UVRAG: variants seen among roughly 807,000 people sequenced by gnomAD.
The protein encoded by UVRAG is UV radiation resistance-associated gene protein.
UVRAG carries 19 observed loss-of-function variants against 78.0 expected under a neutral mutation model. The ratio of observed to expected loss-of-function variants is 0.24; its 90% CI spans 0.17 to 0.36. The LOEUF (loss-of-function observed/expected upper bound fraction) is 0.36. UVRAG is among the 10% of genes least tolerant of loss of function. The pLI, the probability that UVRAG is intolerant of heterozygous loss-of-function variation, is 1.00. For missense variants in UVRAG, 740 were observed against 853.8 expected, an observed-to-expected ratio of 0.87 and a Z score of 1.66; for synonymous variants, 323 against 324.6, an observed-to-expected ratio of 1.00 and a Z score of 0.05.
rs1206281297 is a variant in UVRAG at position 76,088,410 on chromosome 11, C to T, written c.1305+22622C>T. 2.6e-5 allele frequency among the ~76,000 whole-genome samples: 4 copies of T among 152,086 alleles called. No homozygotes were observed. The South Asian group carries it at 6.2e-4, about 24-fold the overall frequency. ...TGTTATGTCCACCCCTGCTTAAAAC[C>T]TTGTCATCGTTTTCCATAGGCTACC... On this transcript the variant is annotated intron_variant, in intron 13 of 14. Coordinates refer to ENST00000356136, the MANE Select transcript of UVRAG (RefSeq NM_003369.4).
intron 12 of UVRAG, among the ~76,000 whole-genome samples, chr11:76,028,580 A>T (rs1456305626): frequency 6.6e-6 from 1 of 152,042 alleles, no homozygotes; most frequent in Non-Finnish European, 1.5e-5. Flanking sequence ...AAGAAAGTGA[A>T]AAGACTTATT....
At chr11:76,076,375 A>AAATTGCTTG (rs1467303602) in intron 13 of UVRAG, among the ~76,000 whole-genome samples, 1 of 152,198 alleles carries the variant, frequency 6.6e-6, no homozygotes, top group Non-Finnish European at 1.5e-5. Flanking sequence ...TTACTGTGTT[A>AAATTGCTTG]CATGGCAGCA....
chr11:76,012,800 TGTGTGTG>T (rs1950076947), intron 11 of UVRAG: 1 of 14,964 alleles, frequency 6.7e-5, no homozygotes, highest in African/African-American at 4.9e-4. Flanking sequence ...AAAATGTTTG[TGTGTGTG>T]TGTGTGTGTG....
chr11:75,880,100 T>C, intron 4 of UVRAG, 60 bp downstream of exon 4: 3 of 1,570,864 alleles, frequency 1.9e-6, no homozygotes, highest in South Asian at 2.3e-5. Context: ...GTCTAACCTT[T>C]CTGTTGATTC....
At chr11:75,986,995 T>C (rs1045605743) in intron 8 of UVRAG, among the ~76,000 whole-genome samples, 37 of 152,204 alleles carry the variant, frequency 2.4e-4, no homozygotes, top group African/African-American at 8.7e-4. Context: ...ATTTTAAAAA[T>C]CCACTCATCA....
At chr11:75,874,731 G>GC (rs1379501333) in intron 3 of UVRAG, among the ~76,000 whole-genome samples, 16 of 152,284 alleles carry the variant, frequency 1.1e-4, no homozygotes, top group African/African-American at 2.9e-4. Flanking sequence ...GCTGTAATTA[G>GC]TTTTTTATTA....
chr11:75,858,729 C>A (rs1284008236), intron 2 of UVRAG, among the ~76,000 whole-genome samples: 2 of 152,148 alleles, frequency 1.3e-5, no homozygotes, highest in Admixed American at 6.5e-5. Flanking sequence ...GCTTTTCTCC[C>A]CACAGCTTCA....
intron 5 of UVRAG, among the ~76,000 whole-genome samples, chr11:75,905,701 A>G (rs1310601005): frequency 2.0e-5 from 3 of 152,010 alleles, no homozygotes; most frequent in East Asian, 3.9e-4. Flanking sequence ...TTGTTTATTC[A>G]TGTCTGTTGA....
At chr11:75,972,907 T>G (rs1348352319) in intron 7 of UVRAG, among the ~76,000 whole-genome samples, 1 of 152,230 alleles carries the variant, frequency 6.6e-6, no homozygotes, top group Non-Finnish European at 1.5e-5. Context: ...AATTGCTTTT[T>G]CTAGGAGGGT....
In UVRAG at chr11:76,143,069, C is replaced by G. The variant is rs1234011739; in HGVS notation, c.*1656C>G. ...AGAAGTGGGGCTCCTTCACCTAGAG[C>G]AGGAGCTTCTCTGCAGTGTACTGTC... On this transcript the variant is annotated 3_prime_UTR_variant, in exon 15 of 15. Transcript: ENST00000356136. The G allele has an allele frequency of 2.0e-5, 3 of 152,216 alleles. No individual in the cohort carries two copies. Among genetic ancestry groups the G allele is most frequent in the African/African-American group, 7.2e-5 (3 of 41,436 alleles). The allele number at this position is 152,216 out of a possible 1,614,324, so 9.4% of individuals were successfully genotyped here.
At chr11:76,025,660 C>G (rs1950314032) in intron 12 of UVRAG, among the ~76,000 whole-genome samples, 1 of 152,074 alleles carries the variant, frequency 6.6e-6, no homozygotes, top group Non-Finnish European at 1.5e-5. Flanking sequence ...ACCAAAACCC[C>G]AAGAGTTGCC....
chr11:75,945,050 A>G lies in UVRAG; in HGVS notation c.594-16394A>G, dbSNP rs903506984. On this transcript the variant is annotated intron_variant, in intron 6 of 14. Coordinates refer to ENST00000356136, the MANE Select transcript of UVRAG (RefSeq NM_003369.4). ...TTTTCTGGTTTACAAACATTAAACA[A>G]TGTTCTCAAGGCAGTTTCCCAGGAG... is the stretch of plus-strand genomic sequence containing the variant. Among the ~76,000 whole-genome samples, 6 of 152,318 alleles carry G rather than the reference A, an allele frequency of 3.9e-5. No individual in the cohort carries two copies. The East Asian group carries it at 5.8e-4, about 15-fold the overall frequency.
chr11:75,907,560 C>G (rs758821821), intron 5 of UVRAG, among the ~76,000 whole-genome samples: 2 of 152,048 alleles, frequency 1.3e-5, no homozygotes, highest in East Asian at 3.9e-4. Context: ...GTCACTTAGG[C>G]TGGAATGCAG....
chr11:75,847,921 A>T (rs2134725939), intron 1 of UVRAG, among the ~76,000 whole-genome samples: 1 of 150,530 alleles, frequency 6.6e-6, no homozygotes, highest in African/African-American at 2.5e-5. Context: ...CAGTGAGCCG[A>T]GATCGCACCA....
At chr11:75,907,624 C>T (rs988208185) in intron 5 of UVRAG, among the ~76,000 whole-genome samples, 2 of 152,052 alleles carry the variant, frequency 1.3e-5, no homozygotes, top group South Asian at 2.1e-4. Flanking sequence ...AGTGATCCTC[C>T]CACCTCAGCC....
At chr11:76,099,879 A>G (rs774098699) in intron 13 of UVRAG, among the ~76,000 whole-genome samples, 6 of 152,076 alleles carry the variant, frequency 3.9e-5, no homozygotes, top group Non-Finnish European at 7.4e-5. Flanking sequence ...GTATAATCAT[A>G]TCTATTAAAA....
chr11:76,142,356 A>G lies in UVRAG; in HGVS notation c.*943A>G, dbSNP rs905509312. 1.3e-5 allele frequency: 2 copies of G among 152,328 alleles called. No individual in the cohort carries two copies. Among genetic ancestry groups the G allele is most frequent in the African/African-American group, 4.8e-5 (2 of 41,472 alleles). 9.4% of individuals were successfully genotyped at this position (152,328 alleles called of 1,614,324 possible). Reference sequence around the variant, plus strand: ...AATTTCAGTCAGAAGGTCAGCATTTACATGACAGAATGTATGTAGAGAGTT... The same window carrying G: ...AATTTCAGTCAGAAGGTCAGCATTTGCATGACAGAATGTATGTAGAGAGTT... On this transcript the variant is annotated 3_prime_UTR_variant, in exon 15 of 15. Coordinates refer to ENST00000356136, the MANE Select transcript of UVRAG (RefSeq NM_003369.4).
intron 12 of UVRAG, among the ~76,000 whole-genome samples, chr11:76,035,336 T>A (rs1253582059): frequency 6.6e-6 from 1 of 152,166 alleles, no homozygotes; most frequent in Admixed American, 6.5e-5. Context: ...TAGAAGGAAT[T>A]TGGTAAATAG....
chr11:75,912,673 C>A (rs1490212878), intron 6 of UVRAG, among the ~76,000 whole-genome samples: 1 of 152,214 alleles, frequency 6.6e-6, no homozygotes, highest in African/African-American at 2.4e-5. Context: ...CCAATGTTCA[C>A]CCTACTCAGA....
Sources: gnomAD v4.1 joint callset for allele counts (sites outside exome capture counted in the v4.1 genomes callset) on GRCh38, gnomAD v4.1.1 for gene constraint, MANE v1.5 for transcripts, NCBI Gene and HGNC (gene_info 2026-07-23, HGNC 2026-07-21) for gene names.